Variants in CREB5 observed in about 807,000 individuals in gnomAD.
CREB5 encodes the protein cAMP responsive element binding protein 5, also known as cyclic AMP-responsive element-binding protein 5.
Under a neutral mutation model 57.1 loss-of-function variants are expected in CREB5, and 19 were observed. That is an observed-to-expected ratio of 0.33 (90% CI 0.23 to 0.49). CREB5 has a LOEUF of 0.49. Among genes scored for constraint, CREB5 ranks in the 20% least tolerant of loss-of-function variants. The pLI is 0.99. For missense variants in CREB5, 579 were observed against 671.6 expected (o/e 0.86, Z 1.52); for synonymous variants, 238 against 238.3 (o/e 1.00, Z 0.01).
chr7:28,533,884 T>G (rs1444126861), intron 4 of CREB5, among the ~76,000 whole-genome samples: 3 of 152,146 alleles, frequency 2.0e-5, no homozygotes, highest in Non-Finnish European at 4.4e-5. Flanking sequence ...CTTAACATCT[T>G]TTTTTGAAAT....
intron 4 of CREB5, among the ~76,000 whole-genome samples, chr7:28,528,704 C>CAAAAAAAAAAAAAA (rs778154325): frequency 1.7e-5 from 1 of 58,390 alleles, no homozygotes; most frequent in South Asian, 6.2e-4. Context: ...AACTCCATCT[C>CAAAAAAAAAAAAAA]AAAAAAAAAA....
chr7:28,658,743 C>A (rs1562554363), intron 5 of CREB5, among the ~76,000 whole-genome samples: 2 of 151,726 alleles, frequency 1.3e-5, no homozygotes, highest in Non-Finnish European at 2.9e-5. Flanking sequence ...CATGTTGAGT[C>A]GCCAGTTTTG....
chr7:28,790,458 G>T (rs751321740), intron 7 of CREB5, among the ~76,000 whole-genome samples: 3 of 35,102 alleles, frequency 8.5e-5, no homozygotes, highest in African/African-American at 1.4e-4. Flanking sequence ...GAGAGAGAGA[G>T]AGATAGAGAG....
At chr7:28,661,438 CTGGCTCCCTGGAGCCCAGGCTCT>C in intron 5 of CREB5, among the ~76,000 whole-genome samples, 1 of 150,434 alleles carries the variant, frequency 6.6e-6, no homozygotes, top group African/African-American at 2.4e-5. Context: ...CCCCACCCCT[CTGGCTCCCTGGAGCCCAGGCTCT>C]ATGTACATGT....
intron 10 of CREB5, 142 bp downstream of exon 10, chr7:28,818,321 G>A (rs1809559438): frequency 3.2e-6 from 2 of 628,214 alleles, no homozygotes; most frequent in Admixed American, 5.8e-5. Context: ...GTGGCTTCCA[G>A]ACTATTCTTC....
chr7:28,784,071 TGCC>T (rs1807155835), intron 7 of CREB5, among the ~76,000 whole-genome samples: 1 of 152,242 alleles, frequency 6.6e-6, no homozygotes, highest in African/African-American at 2.4e-5. Context: ...CAGTAATGAC[TGCC>T]GTCACTCAGA....
At chr7:28,359,386 T>C (rs887236559) in intron 1 of CREB5, among the ~76,000 whole-genome samples, 1 of 152,210 alleles carries the variant, frequency 6.6e-6, no homozygotes, top group African/African-American at 2.4e-5. Context: ...ACTAATGAAA[T>C]AATCTGTGTG....
At chr7:28,433,612 C>A (rs1195488608) in intron 1 of CREB5, among the ~76,000 whole-genome samples, 1 of 152,168 alleles carries the variant, frequency 6.6e-6, no homozygotes, top group Non-Finnish European at 1.5e-5. Flanking sequence ...GCTGGGATTA[C>A]AGGCATGTGC....
chr7:28,370,024 T>TAC (rs1443861568), intron 1 of CREB5, among the ~76,000 whole-genome samples: 1 of 152,214 alleles, frequency 6.6e-6, no homozygotes, highest in African/African-American at 2.4e-5. Context: ...TTAGTTGTAC[T>TAC]TATCTGCTCA....
intron 4 of CREB5, among the ~76,000 whole-genome samples, chr7:28,524,489 G>A (rs930917119): frequency 6.6e-6 from 1 of 152,056 alleles, no homozygotes; most frequent in Non-Finnish European, 1.5e-5. Flanking sequence ...GTGACAGAGC[G>A]AGACTCTGTC....
chr7:28,441,369 T>C (rs1789177277), intron 1 of CREB5, among the ~76,000 whole-genome samples: 1 of 152,226 alleles, frequency 6.6e-6, no homozygotes, highest in Non-Finnish European at 1.5e-5. Context: ...GCTCTCCACA[T>C]GGAAAGAAAC....
intron 2 of CREB5, among the ~76,000 whole-genome samples, chr7:28,490,687 A>G (rs935243050): frequency 6.6e-6 from 1 of 152,190 alleles, no homozygotes; most frequent in African/African-American, 2.4e-5. Context: ...ACTAGATCCC[A>G]GAAGCATTCC....
chr7:28,665,888 A>G (rs1040651270), intron 5 of CREB5, among the ~76,000 whole-genome samples: 2 of 152,106 alleles, frequency 1.3e-5, no homozygotes, highest in Non-Finnish European at 2.9e-5. Context: ...TTAAGAGGCA[A>G]GTCTAAAGCA....
intron 5 of CREB5, among the ~76,000 whole-genome samples, chr7:28,609,356 T>C (rs1414824824): frequency 4.6e-5 from 7 of 152,158 alleles, no homozygotes; most frequent in African/African-American, 1.7e-4. Context: ...AGCCCTGACC[T>C]TACCTGCTTC....
chr7:28,547,677 G>A (rs1326192515), intron 4 of CREB5, among the ~76,000 whole-genome samples: 1 of 152,118 alleles, frequency 6.6e-6, no homozygotes, highest in African/African-American at 2.4e-5. Flanking sequence ...AGCTAAGTTG[G>A]CTCATAAAAT....
chr7:28,719,371 G>A (rs1802887141), intron 6 of CREB5, among the ~76,000 whole-genome samples: 1 of 152,186 alleles, frequency 6.6e-6, no homozygotes, highest in Non-Finnish European at 1.5e-5. Context: ...TTTACTGTAT[G>A]CTAGTCGCAT....
At chr7:28,668,461 T>C (rs184514240) in intron 5 of CREB5, among the ~76,000 whole-genome samples, 5 of 152,308 alleles carry the variant, frequency 3.3e-5, no homozygotes, top group African/African-American at 1.2e-4. Context: ...CTATTTTAAT[T>C]ATGCAACTGT....
chr7:28,302,614 G>C (rs1785115815), intron 1 of CREB5, among the ~76,000 whole-genome samples: 1 of 152,144 alleles, frequency 6.6e-6, no homozygotes, highest in Non-Finnish European at 1.5e-5. Context: ...TCCCAGAAAG[G>C]AGGATTTAGG....
At chr7:28,426,861 T>C (rs1252014048) in intron 1 of CREB5, among the ~76,000 whole-genome samples, 2 of 152,218 alleles carry the variant, frequency 1.3e-5, no homozygotes, top group African/African-American at 4.8e-5. Flanking sequence ...CGAATTAGCA[T>C]AGAGTAGATG....
Sources: gnomAD v4.1 joint callset for allele counts (sites outside exome capture counted in the v4.1 genomes callset) on GRCh38, gnomAD v4.1.1 for gene constraint, MANE v1.5 for transcripts, NCBI Gene and HGNC (gene_info 2026-07-23, HGNC 2026-07-21) for gene names.